RYR3: variants seen among roughly 807,000 people sequenced by gnomAD.
The protein encoded by RYR3 is brain ryanodine receptor-calcium release channel.
In RYR3, 207 loss-of-function variants were observed where a neutral mutation model predicts 584.3. The ratio of observed to expected loss-of-function variants is 0.35; its 90% CI spans 0.32 to 0.40. The LOEUF is 0.40. Among genes scored for constraint, RYR3 ranks in the 10% least tolerant of loss-of-function variants. The pLI is 1.00. For missense variants in RYR3, 5,616 were observed against 6,089.2 expected, an observed-to-expected ratio of 0.92 and a Z score of 2.59; for synonymous variants, 2,416 against 2,248.5, an observed-to-expected ratio of 1.07 and a Z score of -2.11.
chr15:33,644,244 C>T, intron 27 of RYR3, 67 bp from the exon 28 acceptor site: 4 of 1,268,262 alleles, frequency 3.2e-6, no homozygotes, highest in Non-Finnish European at 4.5e-6. Flanking sequence ...AGCAAAGATT[C>T]AGCTGCCTCG....
intron 58 of RYR3, 147 bp from the exon 59 acceptor site, chr15:33,756,159 A>T (rs1567103532): frequency 1.5e-6 from 1 of 666,474 alleles, no homozygotes; most frequent in East Asian, 2.8e-5. Context: ...TAACCAGGAC[A>T]GTTGTAAAGT....
intron 65 of RYR3, among the ~76,000 whole-genome samples, chr15:33,781,797 T>G (rs2074394565): frequency 6.8e-6 from 1 of 146,454 alleles, no homozygotes; most frequent in African/African-American, 2.5e-5. Context: ...AGTTAACCTT[T>G]CCTCAACCGC....
intron 1 of RYR3, among the ~76,000 whole-genome samples, chr15:33,366,178 A>AC (rs11396173): frequency 6.6e-6 from 1 of 151,318 alleles, no homozygotes; most frequent in Non-Finnish European, 1.5e-5. Flanking sequence ...GCTTCACATA[A>AC]TAGGTAATTG....
intron 3 of RYR3, among the ~76,000 whole-genome samples, chr15:33,507,775 G>T (rs879420756): frequency 6.6e-6 from 1 of 151,956 alleles, no homozygotes; most frequent in Non-Finnish European, 1.5e-5. Context: ...ATTGGACCAG[G>T]TGACCTCTGG....
At chr15:33,533,423 C>A in intron 5 of RYR3, 34 bp downstream of exon 5, 2 of 1,494,002 alleles carry the variant, frequency 1.3e-6, no homozygotes, top group Non-Finnish European at 1.8e-6. Context: ...TTGAGCTCAG[C>A]GGGGGTCTTG....
rs56312785 is a variant in RYR3 at position 33,596,075 on chromosome 15, C to CAA, written c.1789-5335_1789-5334dup. On this transcript the variant is annotated intron_variant, in intron 16 of 103. Coordinates refer to ENST00000634891, the MANE Select transcript of RYR3 (RefSeq NM_001036.6). The stretch of plus-strand genomic sequence containing the variant: ...TTATTTCTCTTTAAGTTTTTCACCT[C>CAA]AAAAAAAAAAGCCTCTTTATTTTTA... Among the ~76,000 whole-genome samples, 66 of 146,614 alleles carry CAA rather than the reference C, an allele frequency of 4.5e-4. 1 individual carries two copies. The highest frequency in any genetic ancestry group is 3.5e-3 in the Middle Eastern group (1 of 282).
chr15:33,781,023 G>C (rs1033169266), intron 65 of RYR3, among the ~76,000 whole-genome samples: 1 of 152,160 alleles, frequency 6.6e-6, no homozygotes, highest in Non-Finnish European at 1.5e-5. Flanking sequence ...TGGCAGAGTT[G>C]AGTAGAGGCA....
chr15:33,382,875 CAA>C (rs987098733), intron 1 of RYR3, among the ~76,000 whole-genome samples: 5 of 151,984 alleles, frequency 3.3e-5, no homozygotes, highest in African/African-American at 7.3e-5. Context: ...ATTTTAATGA[CAA>C]GAGTCGTTTC....
chr15:33,374,398 GTA>G (rs879600567), intron 1 of RYR3, among the ~76,000 whole-genome samples: 164 of 130,440 alleles, frequency 1.3e-3, no homozygotes, highest in South Asian at 2.1e-3. Context: ...GTGTGTGTGT[GTA>G]TATATATCTC....
chr15:33,409,004 G>T (rs960813481), intron 1 of RYR3, among the ~76,000 whole-genome samples: 1 of 152,154 alleles, frequency 6.6e-6, no homozygotes, highest in Non-Finnish European at 1.5e-5. Flanking sequence ...GTATTCAGAT[G>T]AGGAAAAAAA....
chr15:33,729,201 A>G (rs2068726910), intron 47 of RYR3, among the ~76,000 whole-genome samples, 175 bp downstream of exon 47: 1 of 152,162 alleles, frequency 6.6e-6, no homozygotes, highest in Admixed American at 6.6e-5. Flanking sequence ...TGGGCCAGAG[A>G]CTTAGATATA....
intron 1 of RYR3, among the ~76,000 whole-genome samples, chr15:33,324,719 AT>A (rs1219550199): frequency 6.6e-6 from 1 of 152,158 alleles, no homozygotes; most frequent in East Asian, 1.9e-4. Context: ...GAGTTAGTAA[AT>A]CCTCATCTGC....
At chr15:33,338,610 A>G (rs993954009) in intron 1 of RYR3, among the ~76,000 whole-genome samples, 2 of 152,172 alleles carry the variant, frequency 1.3e-5, no homozygotes, top group African/African-American at 2.4e-5. Flanking sequence ...TGGGGGAGGC[A>G]TGTAGCTTTT....
intron 8 of RYR3, 48 bp downstream of exon 8, chr15:33,543,763 G>T: frequency 1.7e-6 from 2 of 1,174,850 alleles, no homozygotes; most frequent in South Asian, 2.4e-5. Flanking sequence ...AGTCTCAAAT[G>T]ACTCAAACTA....
At chr15:33,746,299 G>A (rs2070708386) in intron 53 of RYR3, 142 bp downstream of exon 53, 16 of 672,512 alleles carry the variant, frequency 2.4e-5, no homozygotes, top group South Asian at 2.2e-4. Context: ...TCACAAGCTT[G>A]CCAGTGGGCA....
At chr15:33,807,511 A>G (rs878933375) in intron 69 of RYR3, 44 bp from the exon 70 acceptor site, 2 of 1,549,360 alleles carry the variant, frequency 1.3e-6, no homozygotes, top group Admixed American at 2.0e-5. Context: ...GCTTTTACTG[A>G]CTGACTCTTC....
intron 39 of RYR3, 126 bp downstream of exon 39, chr15:33,696,617 C>T: frequency 9.8e-7 from 1 of 1,021,234 alleles, no homozygotes; most frequent in South Asian, 1.6e-5. Context: ...ATTCCAATTT[C>T]ACTCCTCATG....
intron 43 of RYR3, among the ~76,000 whole-genome samples, chr15:33,716,876 A>AC (rs2067531809): frequency 2.5e-5 from 2 of 78,666 alleles, no homozygotes; most frequent in African/African-American, 5.7e-5. Context: ...GAATGAAACA[A>AC]AAAAAAAATC....
chr15:33,527,508 T>A (rs955883326), intron 3 of RYR3, among the ~76,000 whole-genome samples: 9 of 146,446 alleles, frequency 6.1e-5, no homozygotes, highest in African/African-American at 7.6e-5. Flanking sequence ...TGCTCAAACC[T>A]GGGAGGCAGA....
Sources: gnomAD v4.1 joint callset for allele counts (sites outside exome capture counted in the v4.1 genomes callset) on GRCh38, gnomAD v4.1.1 for gene constraint, MANE v1.5 for transcripts, NCBI Gene and HGNC (gene_info 2026-07-23, HGNC 2026-07-21) for gene names.